The following MOCOS variants were observed in gnomAD, a reference collection of about 807,000 sequenced individuals.
The protein encoded by MOCOS is human molybdenum cofactor sulfurase.
In MOCOS, 86 loss-of-function variants were observed where a neutral mutation model predicts 83.6. That is an observed-to-expected ratio of 1.03 (90% CI 0.86 to 1.23). The LOEUF (loss-of-function observed/expected upper bound fraction) is 1.23, where lower values mean the gene tolerates loss of function less well. Ranked by LOEUF, MOCOS falls within the 50% of genes most tolerant of loss-of-function variation. The pLI is 0.00. For missense variants in MOCOS, 1,120 were observed against 1,126.9 expected (o/e 0.99, Z 0.09); for synonymous variants, 445 against 434.7 (o/e 1.02, Z -0.29).
At position 36,187,683 on chromosome 18, in the gene MOCOS, T is replaced by G; in HGVS notation, c.142+2T>G. 1 of 1,265,696 alleles carries G rather than the reference T, an allele frequency of 7.9e-7. No individual in the cohort carries two copies. The highest frequency in any genetic ancestry group is 9.9e-7 in the Non-Finnish European group (1 of 1,005,902). The allele number at this position is 1,265,696 out of a possible 1,614,324, so 78.4% of individuals were successfully genotyped here. ...CGCGCGAGTTCAGCCGCCTGGCAGG[T>G]GAGGCGGGCGGGCAGGCTTGGGGGA... On this transcript the variant is annotated splice_donor_variant, in intron 1 of 14. Coordinates refer to ENST00000261326, the MANE Select transcript of MOCOS (RefSeq NM_017947.4). LOFTEE classifies it high-confidence loss of function.
intron 12 of MOCOS, among the ~76,000 whole-genome samples, chr18:36,258,393 G>A (rs1212533947): frequency 3.9e-5 from 6 of 152,290 alleles, no homozygotes; most frequent in Middle Eastern, 6.8e-3. Context: ...CAAAGTGAGG[G>A]TTTATAACCC....
chr18:36,215,403 T>G, intron 7 of MOCOS, 113 bp from the exon 8 acceptor site: 2 of 995,642 alleles, frequency 2.0e-6, no homozygotes, highest in African/African-American at 1.6e-5. Context: ...AATGTTGCAG[T>G]TCTGTTTTCC....
rs368855092 is a variant in MOCOS at position 36,237,526 on chromosome 18, T to C, written c.1961-11396T>C. 2.0e-5 allele frequency among the ~76,000 whole-genome samples: 3 copies of C among 152,316 alleles called. No individual in the cohort carries two copies. The South Asian group carries it at 6.2e-4, about 32-fold the overall frequency. ...AAGCTTTTTGATGTCCTGCTGGATT[T>C]GGTTTGCCAGTATTTTATTGAGGAT... is the stretch of plus-strand genomic sequence containing the variant. On this transcript the variant is annotated intron_variant, in intron 9 of 14. Coordinates refer to ENST00000261326, the MANE Select transcript of MOCOS (RefSeq NM_017947.4).
At chr18:36,256,075 A>G (rs2091640429) in intron 11 of MOCOS, among the ~76,000 whole-genome samples, 1 of 151,956 alleles carries the variant, frequency 6.6e-6, no homozygotes, top group African/African-American at 2.4e-5. Flanking sequence ...TATTTTTACT[A>G]GAGATGGGGT....
chr18:36,226,662 G>A (rs909734223), intron 9 of MOCOS, among the ~76,000 whole-genome samples: 1 of 149,794 alleles, frequency 6.7e-6, no homozygotes, highest in East Asian at 2.0e-4. Flanking sequence ...TTATATTAAT[G>A]GGCTTTAATT....
At chr18:36,265,593 C>T (rs76836006) in intron 13 of MOCOS, among the ~76,000 whole-genome samples, 2,943 of 152,154 alleles carry the variant, frequency 0.019, 104 homozygotes, top group African/African-American at 0.067. Context: ...AGAAGCATCT[C>T]GTTATTGCTG....
At chr18:36,213,266 T>G in intron 6 of MOCOS, 100 bp from the exon 7 acceptor site, 1 of 907,158 alleles carries the variant, frequency 1.1e-6, no homozygotes, top group Non-Finnish European at 1.8e-6. Flanking sequence ...TGTATCATCA[T>G]TTTATTATTA....
At chr18:36,237,683 AT>A (rs1383741956) in intron 9 of MOCOS, among the ~76,000 whole-genome samples, 1 of 151,974 alleles carries the variant, frequency 6.6e-6, no homozygotes, top group Non-Finnish European at 1.5e-5. Flanking sequence ...TTTTCTATTG[AT>A]TGGAATAGTT....
chr18:36,237,450 A>G (rs976932342), intron 9 of MOCOS, among the ~76,000 whole-genome samples: 24 of 152,214 alleles, frequency 1.6e-4, no homozygotes, highest in Admixed American at 7.2e-4. Flanking sequence ...ATTTGCATAT[A>G]TTGAACCAGC....
chr18:36,251,314 C>A, intron 11 of MOCOS, 31 bp downstream of exon 11: 1 of 1,612,086 alleles, frequency 6.2e-7, no homozygotes, highest in Non-Finnish European at 8.5e-7. Flanking sequence ...TCGTAGAGAA[C>A]AGGAACCCTG....
At position 36,191,382 on chromosome 18, in the gene MOCOS, C is replaced by G. The variant is rs1052929429; in HGVS notation, c.142+3701C>G. On this transcript the variant is annotated intron_variant, in intron 1 of 14. Coordinates refer to ENST00000261326, the MANE Select transcript of MOCOS (RefSeq NM_017947.4). ...CCAGCTGCAGCCACTGTGTCTACCT[C>G]AGAGTCAATTGCTGTCACTCATGTC... is the stretch of plus-strand genomic sequence containing the variant. Among the ~76,000 whole-genome samples the G allele has an allele frequency of 2.8e-4, 42 of 152,338 alleles. 1 individual carries two copies. The highest frequency in any genetic ancestry group is 4.1e-4 in the South Asian group (2 of 4,830).
intron 13 of MOCOS, among the ~76,000 whole-genome samples, chr18:36,262,311 A>G (rs1178982090): frequency 7.6e-6 from 1 of 131,076 alleles, no homozygotes; most frequent in Non-Finnish European, 1.7e-5. Flanking sequence ...GTGCGCCTGT[A>G]GTCTCAGCTC....
intron 8 of MOCOS, 132 bp from the exon 9 acceptor site, chr18:36,219,923 T>C (rs993530319): frequency 8.5e-7 from 1 of 1,170,176 alleles, no homozygotes; most frequent in African/African-American, 1.5e-5. Flanking sequence ...TTTCTTCTCT[T>C]CCTCCCTTTC....
intron 4 of MOCOS, among the ~76,000 whole-genome samples, chr18:36,201,978 C>T (rs2091416663): frequency 6.6e-6 from 1 of 152,142 alleles, no homozygotes; most frequent in Non-Finnish European, 1.5e-5. Context: ...AGAAGTGGGG[C>T]AGCTCACTGG....
At chr18:36,214,268 GA>G (rs58435154) in intron 7 of MOCOS, among the ~76,000 whole-genome samples, 113,081 of 135,072 alleles carry the variant, frequency 0.84, 49,078 homozygotes, top group East Asian at 0.96. Flanking sequence ...AAAAAGAAAA[GA>G]AAAAAAAGAA....
chr18:36,259,269 C>G (rs757413665), intron 12 of MOCOS, among the ~76,000 whole-genome samples: 1 of 151,252 alleles, frequency 6.6e-6, no homozygotes, highest in African/African-American at 2.4e-5. Flanking sequence ...ATAGTGAGAC[C>G]CCATCTCTAA....
chr18:36,208,221 T>C (rs1353027230), intron 6 of MOCOS, among the ~76,000 whole-genome samples: 1 of 152,144 alleles, frequency 6.6e-6, no homozygotes, highest in African/African-American at 2.4e-5. Context: ...TTTGATGTCA[T>C]GTAGTGTGAT....
At chr18:36,208,974 C>A (rs1185696385) in intron 6 of MOCOS, among the ~76,000 whole-genome samples, 2 of 151,996 alleles carry the variant, frequency 1.3e-5, no homozygotes, top group Admixed American at 6.6e-5. Context: ...TCCTTGGATT[C>A]CTAGTTTGTT....
At chr18:36,219,070 T>C (rs1224533201) in intron 8 of MOCOS, among the ~76,000 whole-genome samples, 1 of 150,986 alleles carries the variant, frequency 6.6e-6, no homozygotes, top group Non-Finnish European at 1.5e-5. Context: ...GGTTTCACCA[T>C]GTCGGCCAGG....
Sources: gnomAD v4.1 joint callset for allele counts (sites outside exome capture counted in the v4.1 genomes callset) on GRCh38, gnomAD v4.1.1 for gene constraint, MANE v1.5 for transcripts, NCBI Gene and HGNC (gene_info 2026-07-23, HGNC 2026-07-21) for gene names.